LYRM2: variants seen among roughly 807,000 people sequenced by gnomAD.
LYRM2 encodes LYR motif-containing protein 2.
A neutral mutation model predicts 11.6 loss-of-function variants in LYRM2; 8 were observed. The ratio of observed to expected loss-of-function variants is 0.69; its 90% CI spans 0.40 to 1.24. The LOEUF is 1.24. Among genes scored for constraint, LYRM2 ranks in the 50% most tolerant of loss-of-function variants. The probability of loss-of-function intolerance (pLI) is 0.01; values close to 1 mark genes in which losing one functional copy is unlikely to be tolerated. For missense variants in LYRM2, 117 were observed against 102.9 expected, an observed-to-expected ratio of 1.14 and a Z score of -0.59; for synonymous variants, 30 against 36.4, an observed-to-expected ratio of 0.83 and a Z score of 0.63.
rs1379802005 is a variant in LYRM2, at chr6:89,632,707, C to T, written c.*4566G>A. 6.6e-6 allele frequency: 1 copy of T among 152,138 alleles called. No individual in the cohort carries two copies. The highest frequency in any genetic ancestry group is 2.4e-5 in the African/African-American group (1 of 41,434). 9.4% of individuals were successfully genotyped at this position (152,138 alleles called of 1,614,324 possible). ...CTACTACGCAGGTAGACAGTCTTCC[C>T]CCAGAGACTCATTAGATTGCAATAT... On this transcript the variant is annotated 3_prime_UTR_variant, in exon 3 of 3. Transcript: ENST00000523377.
chr6:89,636,884 C>T lies in LYRM2; in HGVS notation c.*389G>A, dbSNP rs1134136. ...TTAGTAGAGATGAGGTTTCACCATG[C>T]TGGCCAGGCTGGTCTTGAACTCCTG... On this transcript the variant is annotated 3_prime_UTR_variant, in exon 3 of 3. Transcript: ENST00000523377. 101,664 of 154,176 alleles carry T rather than the reference C, an allele frequency of 0.66. 33,973 individuals carry two copies. The highest frequency in any genetic ancestry group is 0.95 in the East Asian group (5,012 of 5,254). 9.6% of individuals were successfully genotyped at this position (154,176 alleles called of 1,614,324 possible). A position where few individuals can be genotyped will look rare whatever the true frequency, so the allele number is the denominator to read the frequency against.
intron 1 of LYRM2, chr6:89,638,189 G>T: frequency 1.3e-6 from 1 of 784,390 alleles, no homozygotes; most frequent in Non-Finnish European, 1.7e-6. Context: ...ATGTTTTAAA[G>T]AAAGCATCAC....
In LYRM2 at chr6:89,634,277, TTTC is replaced by T. The variant is rs1311287028; in HGVS notation, c.*2993_*2995del. 6 of 152,050 alleles carry T rather than the reference TTTC, an allele frequency of 3.9e-5. No homozygotes were observed. Among genetic ancestry groups the T allele is most frequent in the African/African-American group, 1.4e-4 (6 of 41,390 alleles). The allele number at this position is 152,050 out of a possible 1,614,324, so 9.4% of individuals were successfully genotyped here. On this transcript the variant is annotated 3_prime_UTR_variant, in exon 3 of 3. Transcript: ENST00000523377. ...TTTATGAGTAAGAGTAAAACATACA[TTTC>T]TTATTTGTAATTTTATTTAAGGAGA... is the stretch of plus-strand genomic sequence containing the variant.
Position 89,636,202 on chromosome 6 carries a change from T to C in LYRM2, c.*1071A>G, listed in dbSNP as rs1458652264. Reference sequence around the variant, plus strand: ...AAATGTACAGTTCAGTGGATTTGAATATATTCAAGAGTTGTGCAGCCTACA... The same window carrying C: ...AAATGTACAGTTCAGTGGATTTGAACATATTCAAGAGTTGTGCAGCCTACA... On this transcript the variant is annotated 3_prime_UTR_variant, in exon 3 of 3. Transcript: ENST00000523377. The C allele has an allele frequency of 6.6e-6, 1 of 152,240 alleles. No individual in the cohort carries two copies. Among genetic ancestry groups the C allele is most frequent in the African/African-American group, 2.4e-5 (1 of 41,464 alleles). The allele number at this position is 152,240 out of a possible 1,614,324, so 9.4% of individuals were successfully genotyped here.
At chr6:89,637,402 G>T in intron 2 of LYRM2, 49 bp from the exon 3 acceptor site, 1 of 1,187,802 alleles carries the variant, frequency 8.4e-7, no homozygotes. Flanking sequence ...GTTAAACAAG[G>T]TATAGCTATA....
In LYRM2 at chr6:89,632,455, G is replaced by C. The variant is rs546278898; in HGVS notation, c.*4818C>G. 3.3e-5 allele frequency: 5 copies of C among 152,244 alleles called. No individual in the cohort carries two copies. Among genetic ancestry groups the C allele is most frequent in the Admixed American group, 2.6e-4 (4 of 15,304 alleles). The allele number at this position is 152,244 out of a possible 1,614,324, so 9.4% of individuals were successfully genotyped here. On this transcript the variant is annotated 3_prime_UTR_variant, in exon 3 of 3. Coordinates refer to ENST00000523377, the MANE Select transcript of LYRM2 (RefSeq NM_020466.5). ...TTTTGTTGAGACAGGGTCTTGCTCT[G>C]TCACCCAGACTGGAGTGCAGTGGCA... is the stretch of plus-strand genomic sequence containing the variant.
At position 89,638,188 on chromosome 6, in the gene LYRM2, A is replaced by G. The variant is rs554165462; in HGVS notation, c.46-306T>C. The G allele has an allele frequency of 8.9e-6, 7 of 783,398 alleles. No homozygotes were observed. The South Asian group carries it at 2.2e-4, about 24-fold the overall frequency. 48.5% of individuals were successfully genotyped at this position (783,398 alleles called of 1,614,324 possible). A position where few individuals can be genotyped will look rare whatever the true frequency, so the allele number is the denominator to read the frequency against. On this transcript the variant is annotated intron_variant, in intron 1 of 2. Coordinates refer to ENST00000523377, the MANE Select transcript of LYRM2 (RefSeq NM_020466.5). Reference sequence around the variant, plus strand: ...GCCCTGTCTCAAAAAGATGTTTTAAAGAAAGCATCACGAGGTTCATCTGAT... The same window carrying G: ...GCCCTGTCTCAAAAAGATGTTTTAAGGAAAGCATCACGAGGTTCATCTGAT...
In LYRM2 at chr6:89,633,378, A is replaced by G. The variant is rs1156916583; in HGVS notation, c.*3895T>C. On this transcript the variant is annotated 3_prime_UTR_variant, in exon 3 of 3. Transcript: ENST00000523377. ...AAAAACTTAACTGCAGGTCCAGTGT[A>G]TATTTTTCCTTATTTTTCCCTTTTA... 1.3e-5 allele frequency: 2 copies of G among 152,218 alleles called. No homozygotes were observed. The highest frequency in any genetic ancestry group is 2.9e-5 in the Non-Finnish European group (2 of 68,036). The allele number at this position is 152,218 out of a possible 1,614,324, so 9.4% of individuals were successfully genotyped here. A position where few individuals can be genotyped will look rare whatever the true frequency, so the allele number is the denominator to read the frequency against.
Position 89,633,603 on chromosome 6 carries a change from C to G in LYRM2, c.*3670G>C, listed in dbSNP as rs1046096514. ...AATTGTTAGTGCATTATTGAGTATA[C>G]TAAATATCTGTGATTAAATAAATTA... On this transcript the variant is annotated 3_prime_UTR_variant, in exon 3 of 3. Transcript: ENST00000523377. The G allele has an allele frequency of 1.3e-5, 2 of 152,072 alleles. No homozygotes were observed. Among genetic ancestry groups the G allele is most frequent in the African/African-American group, 2.4e-5 (1 of 41,396 alleles). 9.4% of individuals were successfully genotyped at this position (152,072 alleles called of 1,614,324 possible). A position where few individuals can be genotyped will look rare whatever the true frequency, so the allele number is the denominator to read the frequency against.
At position 89,633,529 on chromosome 6, in the gene LYRM2, A is replaced by G. The variant is rs1160382938; in HGVS notation, c.*3744T>C. 6.6e-6 allele frequency: 1 copy of G among 152,246 alleles called. No homozygotes were observed. The highest frequency in any genetic ancestry group is 6.5e-5 in the Admixed American group (1 of 15,288). 9.4% of individuals were successfully genotyped at this position (152,246 alleles called of 1,614,324 possible). On this transcript the variant is annotated 3_prime_UTR_variant, in exon 3 of 3. Transcript: ENST00000523377. The stretch of plus-strand genomic sequence containing the variant: ...GGCTGAAATTTTCAACAGCTGTGGG[A>G]AAAACTAAAACACAGAAATACTGTA...
In LYRM2 at chr6:89,637,037, T is replaced by G; in HGVS notation, c.*236A>C. ...GATTGTGTCCAGCATCTACTGGCCATTTGTTAGTGGTTTTTTTCTTCTTTT... is the reference window on the plus strand; with the variant it reads ...GATTGTGTCCAGCATCTACTGGCCAGTTGTTAGTGGTTTTTTTCTTCTTTT... On this transcript the variant is annotated 3_prime_UTR_variant, in exon 3 of 3. Coordinates refer to ENST00000523377, the MANE Select transcript of LYRM2 (RefSeq NM_020466.5). The G allele has an allele frequency of 3.2e-5, 12 of 375,958 alleles. No homozygotes were observed. Among genetic ancestry groups the G allele is most frequent in the Non-Finnish European group, 4.3e-5 (9 of 207,200 alleles). 23.3% of individuals were successfully genotyped at this position (375,958 alleles called of 1,614,324 possible).
rs1420205609 is a variant in LYRM2 at position 89,632,389 on chromosome 6, G to A, written c.*4884C>T. ...AAGAAAAATAATTCAGTAGATATAT[G>A]TCACTGTTACCTGAATATGGAATGA... is the stretch of plus-strand genomic sequence containing the variant. On this transcript the variant is annotated 3_prime_UTR_variant, in exon 3 of 3. Coordinates refer to ENST00000523377, the MANE Select transcript of LYRM2 (RefSeq NM_020466.5). 2.0e-5 allele frequency: 3 copies of A among 151,594 alleles called. No homozygotes were observed. Among genetic ancestry groups the A allele is most frequent in the Non-Finnish European group, 2.9e-5 (2 of 67,966 alleles). 9.4% of individuals were successfully genotyped at this position (151,594 alleles called of 1,614,324 possible).
chr6:89,638,512 C>A, intron 1 of LYRM2, 160 bp downstream of exon 1: 1 of 1,538,378 alleles, frequency 6.5e-7, no homozygotes, highest in South Asian at 1.2e-5. Context: ...CCCGTCAGGC[C>A]CCGCGGAGCG....
At position 89,633,746 on chromosome 6, in the gene LYRM2, TA is replaced by T. The variant is rs1289718965; in HGVS notation, c.*3526del. 1.3e-5 allele frequency: 2 copies of T among 152,262 alleles called. No homozygotes were observed. Among genetic ancestry groups the T allele is most frequent in the Non-Finnish European group, 2.9e-5 (2 of 68,048 alleles). 9.4% of individuals were successfully genotyped at this position (152,262 alleles called of 1,614,324 possible). On this transcript the variant is annotated 3_prime_UTR_variant, in exon 3 of 3. Coordinates refer to ENST00000523377, the MANE Select transcript of LYRM2 (RefSeq NM_020466.5). ...GGCATGTTATGTGTCTTCTAATTAA[TA>T]TTTTTATCACCTTGAATTTGTGTCT...
chr6:89,637,143 T>C lies in LYRM2; in HGVS notation c.*130A>G. On this transcript the variant is annotated 3_prime_UTR_variant, in exon 3 of 3. Transcript: ENST00000523377. ...GTTAAGGCAACTGTTCTGATGTGTT[T>C]TTCCTTTGCTCTCTATCACCAAATA... 2 of 569,788 alleles carry C rather than the reference T, an allele frequency of 3.5e-6. No homozygotes were observed. The highest frequency in any genetic ancestry group is 6.3e-6 in the Non-Finnish European group (2 of 319,970). The allele number at this position is 569,788 out of a possible 1,614,324, so 35.3% of individuals were successfully genotyped here.
intron 1 of LYRM2, chr6:89,638,327 T>C: frequency 8.3e-7 from 1 of 1,197,684 alleles, no homozygotes; most frequent in Non-Finnish European, 1.0e-6. Flanking sequence ...GACAGCACTT[T>C]TTCTAAATTA....
At chr6:89,637,474 A>AG in intron 2 of LYRM2, 121 bp from the exon 3 acceptor site, 2 of 694,152 alleles carry the variant, frequency 2.9e-6, no homozygotes, top group Non-Finnish European at 4.7e-6. Context: ...CTTTTAGAAA[A>AG]GCTAAAAGAG....
Position 89,638,731 on chromosome 6 carries a change from C to A in LYRM2, c.-15G>T. 1 of 1,613,858 alleles carries A rather than the reference C, an allele frequency of 6.2e-7. No homozygotes were observed. The highest frequency in any genetic ancestry group is 8.5e-7 in the Non-Finnish European group (1 of 1,179,914). On this transcript the variant is annotated 5_prime_UTR_variant, in exon 1 of 3. Coordinates refer to ENST00000523377, the MANE Select transcript of LYRM2 (RefSeq NM_020466.5). ...GAAGCAGCCATGTCCACCAGAGGTC[C>A]GCCGGAGCCTCAGCGCGCAGGAGCG...
Position 89,632,602 on chromosome 6 carries a change from G to T in LYRM2, c.*4671C>A, listed in dbSNP as rs1807624169. 2 of 152,046 alleles carry T rather than the reference G, an allele frequency of 1.3e-5. No homozygotes were observed. Among genetic ancestry groups the T allele is most frequent in the South Asian group, 2.1e-4 (1 of 4,818 alleles). The allele number at this position is 152,046 out of a possible 1,614,324, so 9.4% of individuals were successfully genotyped here. A position where few individuals can be genotyped will look rare whatever the true frequency, so the allele number is the denominator to read the frequency against. ...CTGGCTAATTTTTTGTAGATATAAGGTCTCATGATATTGCCCAGGCTGAAT... is the reference window on the plus strand; with the variant it reads ...CTGGCTAATTTTTTGTAGATATAAGTTCTCATGATATTGCCCAGGCTGAAT... On this transcript the variant is annotated 3_prime_UTR_variant, in exon 3 of 3. Transcript: ENST00000523377.
Sources: allele counts gnomAD v4.1 joint callset, GRCh38; gene constraint gnomAD v4.1.1; transcripts MANE v1.5; gene names NCBI Gene and HGNC (gene_info 2026-07-23, HGNC 2026-07-21).